The following AFAP1L1 variants were observed in gnomAD, a reference collection of about 807,000 sequenced individuals.
AFAP1L1 encodes the protein actin filament associated protein 1 like 1, also known as actin filament-associated protein 1-like 1.
In AFAP1L1, 77 loss-of-function variants were observed where a neutral mutation model predicts 99.8. The observed-to-expected ratio is 0.77, with a 90% CI of 0.64 to 0.93. AFAP1L1 has a LOEUF of 0.93. Ranked by LOEUF, AFAP1L1 falls within the 40% of genes least tolerant of loss-of-function variation. The probability of loss-of-function intolerance (pLI) is 0.00; values close to 1 mark genes in which losing one functional copy is unlikely to be tolerated. For synonymous variants in AFAP1L1, 373 were observed against 395.3 expected (o/e 0.94, Z 0.67); for missense variants, 893 against 996.8 (o/e 0.90, Z 1.40).
intron 2 of AFAP1L1, 86 bp from the exon 3 acceptor site, chr5:149,300,185 C>T: frequency 1.1e-6 from 1 of 886,604 alleles, no homozygotes; most frequent in Non-Finnish European, 1.7e-6. Context: ...AGCACTGTGT[C>T]CCATGTGGGC....
At chr5:149,301,375 C>T (rs931951911) in intron 4 of AFAP1L1, 145 bp downstream of exon 4, 11 of 626,696 alleles carry the variant, frequency 1.8e-5, no homozygotes, top group Non-Finnish European at 3.1e-5. Flanking sequence ...GCACAGGCAG[C>T]ACCATGTGAA....
intron 10 of AFAP1L1, 100 bp downstream of exon 10, chr5:149,316,014 C>A: frequency 6.3e-7 from 1 of 1,582,660 alleles, no homozygotes. Context: ...ATTCTGTAGA[C>A]CTGGGTAAGG....
chr5:149,305,914 ACACAC>A (rs1756394677), intron 5 of AFAP1L1, among the ~76,000 whole-genome samples: 1 of 149,268 alleles, frequency 6.7e-6, no homozygotes, highest in African/African-American at 2.5e-5. Flanking sequence ...ACACACACAC[ACACAC>A]ACCATGCACA....
chr5:149,326,304 T>C (rs925473960), intron 15 of AFAP1L1, among the ~76,000 whole-genome samples: 1 of 152,182 alleles, frequency 6.6e-6, no homozygotes, highest in Non-Finnish European at 1.5e-5. Context: ...TTTGGGAGGC[T>C]GAGGCAGGTG....
intron 1 of AFAP1L1, among the ~76,000 whole-genome samples, chr5:149,278,629 T>C (rs1158519324): frequency 6.6e-6 from 1 of 152,224 alleles, no homozygotes; most frequent in Non-Finnish European, 1.5e-5. Context: ...CTAAGACAAG[T>C]TACCCAACCA....
chr5:149,306,281 T>C lies in AFAP1L1; in HGVS notation c.437-25T>C, dbSNP rs552457940. 9 of 1,599,370 alleles carry C rather than the reference T, an allele frequency of 5.6e-6. No homozygotes were observed. In the Admixed American group the frequency reaches 8.4e-5, roughly 15 times the overall value. ...GGAGTCTGCCTGCATTTCTCCAAAG[T>C]GCAGCTCTTTCTGACAACCCACAGA... On this transcript the variant is annotated intron_variant, in intron 5 of 18. Transcript: ENST00000296721.
At chr5:149,338,257 C>T (rs934809523) in intron 18 of AFAP1L1, among the ~76,000 whole-genome samples, 1 of 151,942 alleles carries the variant, frequency 6.6e-6, no homozygotes, top group African/African-American at 2.4e-5. Context: ...CCCAGGAGTT[C>T]GAGATCAGCC....
chr5:149,319,315 A>G (rs550848619), intron 12 of AFAP1L1, among the ~76,000 whole-genome samples: 2 of 152,222 alleles, frequency 1.3e-5, no homozygotes, highest in South Asian at 4.2e-4. Flanking sequence ...CTGAGAATGG[A>G]AAGTGAGGGC....
At chr5:149,338,561 TA>T (rs1757471538) in intron 18 of AFAP1L1, among the ~76,000 whole-genome samples, 1 of 152,222 alleles carries the variant, frequency 6.6e-6, no homozygotes, top group Non-Finnish European at 1.5e-5. Flanking sequence ...TATTCTTTCC[TA>T]CAGTTAGTCA....
At chr5:149,289,998 C>T (rs1333640904) in intron 1 of AFAP1L1, among the ~76,000 whole-genome samples, 1 of 152,198 alleles carries the variant, frequency 6.6e-6, no homozygotes, top group Non-Finnish European at 1.5e-5. Context: ...CTTTGGGAGG[C>T]CGAGGCGGGT....
In AFAP1L1 at chr5:149,342,145, A is replaced by G. The variant is rs1456134542; in HGVS notation, c.*2115A>G. Among the ~76,000 whole-genome samples the G allele has an allele frequency of 3.3e-5, 5 of 152,212 alleles. No homozygotes were observed. Among genetic ancestry groups the G allele is most frequent in the Admixed American group, 2.0e-4 (3 of 15,286 alleles). On this transcript the variant is annotated 3_prime_UTR_variant, in exon 19 of 19. Transcript: ENST00000296721. ...GGCCCTGTTCTTGGTTTAATGCTCT[A>G]CTATTGCCTTCTTAATCATATTTGA...
intron 15 of AFAP1L1, among the ~76,000 whole-genome samples, chr5:149,326,594 A>T (rs1757105149): frequency 1.3e-5 from 2 of 150,358 alleles, no homozygotes; most frequent in Admixed American, 6.6e-5. Context: ...TTAAAAAGAA[A>T]TTTTTTAAAA....
intron 15 of AFAP1L1, 38 bp from the exon 16 acceptor site, chr5:149,329,628 C>A: frequency 6.3e-7 from 1 of 1,578,656 alleles, no homozygotes; most frequent in South Asian, 1.2e-5. Flanking sequence ...TGCCAGAGGT[C>A]AGAACTGAGG....
chr5:149,272,209 G>C (rs1755142436), intron 1 of AFAP1L1, among the ~76,000 whole-genome samples: 1 of 152,232 alleles, frequency 6.6e-6, no homozygotes, highest in East Asian at 1.9e-4. Context: ...CTCGCCTCTC[G>C]TGTGTGAAAT....
At chr5:149,295,206 C>G (rs1175037761) in intron 1 of AFAP1L1, among the ~76,000 whole-genome samples, 1 of 152,198 alleles carries the variant, frequency 6.6e-6, no homozygotes, top group Non-Finnish European at 1.5e-5. Context: ...CATTCAGTCC[C>G]TTTCTTCTCC....
chr5:149,339,380 C>CG (rs952768714), intron 18 of AFAP1L1, among the ~76,000 whole-genome samples: 31 of 151,938 alleles, frequency 2.0e-4, no homozygotes, highest in Admixed American at 6.6e-4. Flanking sequence ...TTAGTAGAGA[C>CG]GGGGGGTTTC....
chr5:149,332,330 G>A (rs1461409369), intron 16 of AFAP1L1, among the ~76,000 whole-genome samples: 1 of 152,160 alleles, frequency 6.6e-6, no homozygotes, highest in Non-Finnish European at 1.5e-5. Context: ...CCAGGAGGCG[G>A]AGGTTGCAGT....
At chr5:149,322,425 G>A (rs1756976023) in intron 14 of AFAP1L1, among the ~76,000 whole-genome samples, 181 bp from the exon 15 acceptor site, 1 of 152,170 alleles carries the variant, frequency 6.6e-6, no homozygotes, top group Non-Finnish European at 1.5e-5. Flanking sequence ...AAGGTATGAG[G>A]TTCAAATGAT....
chr5:149,335,946 G>A (rs1375528510), intron 18 of AFAP1L1, among the ~76,000 whole-genome samples: 1 of 152,160 alleles, frequency 6.6e-6, no homozygotes, highest in Non-Finnish European at 1.5e-5. Flanking sequence ...TAATCATCTG[G>A]TTTCTGAGCC....
Sources: allele counts gnomAD v4.1 joint callset (sites outside exome capture counted in the v4.1 genomes callset), GRCh38; gene constraint gnomAD v4.1.1; transcripts MANE v1.5; gene names NCBI Gene and HGNC (gene_info 2026-07-23, HGNC 2026-07-21).